The following SHANK2 variants were observed in gnomAD, a reference collection of about 807,000 sequenced individuals.
SHANK2 encodes the protein SH3 and multiple ankyrin repeat domains protein 2.
A neutral mutation model predicts 133.7 loss-of-function variants in SHANK2; 43 were observed. The ratio of observed to expected loss-of-function variants is 0.32; its 90% confidence interval spans 0.25 to 0.41. The LOEUF is 0.41. Ranked by LOEUF, SHANK2 falls within the 10% of genes least tolerant of loss-of-function variation. The pLI is 1.00. For synonymous variants in SHANK2, 1,017 were observed against 952.8 expected (o/e 1.07, Z -1.24); for missense variants, 1,994 against 2,235.8 (o/e 0.89, Z 2.18).
intron 14 of SHANK2, among the ~76,000 whole-genome samples, chr11:70,754,808 C>T (rs976228630): frequency 4.6e-5 from 7 of 152,062 alleles, no homozygotes; most frequent in African/African-American, 1.7e-4. Context: ...ATGCTGAACA[C>T]CTTCCAGACA....
chr11:71,085,593 A>AATAT (rs878883448), intron 8 of SHANK2, among the ~76,000 whole-genome samples: 33 of 81,224 alleles, frequency 4.1e-4, no homozygotes, highest in African/African-American at 1.1e-3. Context: ...TATATTATAT[A>AATAT]ATATATATAT....
At chr11:71,202,259 TCCC>T (rs1191126069) in intron 2 of SHANK2, among the ~76,000 whole-genome samples, 1 of 151,992 alleles carries the variant, frequency 6.6e-6, no homozygotes, top group Admixed American at 6.5e-5. Context: ...CCCAGCCCCA[TCCC>T]CTCCTCATTC....
intron 15 of SHANK2, among the ~76,000 whole-genome samples, chr11:70,672,709 A>G (rs1341628972): frequency 6.6e-6 from 1 of 152,210 alleles, no homozygotes; most frequent in Admixed American, 6.5e-5. Flanking sequence ...TATGTTTGAA[A>G]TTGTGATTTG....
At chr11:70,697,872 G>A (rs1555022638) in intron 15 of SHANK2, among the ~76,000 whole-genome samples, 1 of 152,178 alleles carries the variant, frequency 6.6e-6, no homozygotes, top group Non-Finnish European at 1.5e-5. Flanking sequence ...CATCCCCGGG[G>A]CCTGCACCTG....
intron 2 of SHANK2, among the ~76,000 whole-genome samples, chr11:71,176,230 T>G (rs1953441545): frequency 2.0e-5 from 3 of 152,174 alleles, no homozygotes; most frequent in Admixed American, 2.0e-4. Flanking sequence ...AAGCTGTTTC[T>G]AAGTAAATTA....
At chr11:71,183,866 G>A (rs1555114126) in intron 2 of SHANK2, among the ~76,000 whole-genome samples, 1 of 152,216 alleles carries the variant, frequency 6.6e-6, no homozygotes, top group East Asian at 1.9e-4. Flanking sequence ...GTTTATTGGG[G>A]AGAGGGAAGC....
At position 70,662,588 on chromosome 11, in the gene SHANK2, T is replaced by C. The variant is rs1183890187; in HGVS notation, c.1854-910A>G. On this transcript the variant is annotated intron_variant, in intron 15 of 25. Coordinates refer to ENST00000601538, the MANE Select transcript of SHANK2 (RefSeq NM_012309.5). ...AGCCCCTGAGGACACCAGCCCCCTC[T>C]GGGGATGATGAATTCATTGCTGGGG... 2.0e-5 allele frequency among the ~76,000 whole-genome samples: 3 copies of C among 152,276 alleles called. No individual in the cohort carries two copies. The East Asian group carries it at 5.8e-4, about 29-fold the overall frequency.
chr11:70,736,870 G>T (rs536479659), intron 14 of SHANK2, among the ~76,000 whole-genome samples: 1 of 152,238 alleles, frequency 6.6e-6, no homozygotes, highest in African/African-American at 2.4e-5. Flanking sequence ...CAAACGGTTT[G>T]TCAAGATGTG....
chr11:70,695,812 G>A (rs1343920193), intron 15 of SHANK2, among the ~76,000 whole-genome samples: 1 of 152,232 alleles, frequency 6.6e-6, no homozygotes, highest in Non-Finnish European at 1.5e-5. Flanking sequence ...AAGCAGGGCT[G>A]TTGTGACTCT....
rs139856237 is a variant in SHANK2, at chr11:70,867,583, G to A, written c.1174+28918C>T. On this transcript the variant is annotated intron_variant, in intron 11 of 25. Coordinates refer to ENST00000601538, the MANE Select transcript of SHANK2 (RefSeq NM_012309.5). ...AAAAGTCTGCCCAGGCCACCGGCTCGTGAATGTGGGGTCAGCTCAGCCATG... is the reference window on the plus strand; with the variant it reads ...AAAAGTCTGCCCAGGCCACCGGCTCATGAATGTGGGGTCAGCTCAGCCATG... 4.0e-4 allele frequency among the ~76,000 whole-genome samples: 61 copies of A among 152,336 alleles called. 1 individual carries two copies. Among genetic ancestry groups the A allele is most frequent in the African/African-American group, 1.2e-3 (50 of 41,590 alleles).
chr11:70,646,887 G>A (rs1274570018), intron 17 of SHANK2, among the ~76,000 whole-genome samples: 2 of 151,042 alleles, frequency 1.3e-5, no homozygotes, highest in African/African-American at 4.9e-5. Flanking sequence ...TTGAGACAGA[G>A]TATTGCTCTG....
At chr11:70,659,647 C>T (rs952554069) in intron 17 of SHANK2, among the ~76,000 whole-genome samples, 181 bp downstream of exon 17, 2 of 152,192 alleles carry the variant, frequency 1.3e-5, no homozygotes, top group Non-Finnish European at 2.9e-5. Flanking sequence ...CAAGACAAGC[C>T]CAACACCAGG....
At chr11:70,920,718 G>A (rs1302645242) in intron 10 of SHANK2, among the ~76,000 whole-genome samples, 2 of 152,230 alleles carry the variant, frequency 1.3e-5, no homozygotes, top group Non-Finnish European at 2.9e-5. Flanking sequence ...CACTACAGCA[G>A]AGTATTGCTG....
At position 70,485,303 on chromosome 11, in the gene SHANK2, C is replaced by G; in HGVS notation, c.4979+11G>C. On this transcript the variant is annotated intron_variant, in intron 25 of 25. Transcript: ENST00000601538. This position sits in a 1 kb window ranked among gnomAD's most constrained non-coding sequence, Gnocchi z 5.8. ...CAGAGCGGTGTGCATGTGCACCAACCGCGGACTTACCTTGGAGCGAGGCTG... is the reference window on the plus strand; with the variant it reads ...CAGAGCGGTGTGCATGTGCACCAACGGCGGACTTACCTTGGAGCGAGGCTG... 3 of 1,611,972 alleles carry G rather than the reference C, an allele frequency of 1.9e-6. No homozygotes were observed. Among genetic ancestry groups the G allele is most frequent in the Non-Finnish European group, 8.5e-7 (1 of 1,178,746 alleles).
intron 4 of SHANK2, among the ~76,000 whole-genome samples, chr11:71,114,798 C>T (rs1378299597): frequency 6.6e-6 from 1 of 152,106 alleles, no homozygotes; most frequent in Non-Finnish European, 1.5e-5. Context: ...ATGCCAGGTG[C>T]CTTCTCAGGC....
Position 70,486,053 on chromosome 11 carries a change from G to A in SHANK2, c.4240C>T (p.Pro1414Ser). The change falls in exon 25 of 26, where the codon CCC becomes TCC. Residue 1414 changes from proline (P) to serine (S), a missense_variant. Physicochemically the swap from Pro to Ser is moderately conservative, Grantham distance 74. Around this residue, in one of 5 missense-constraint regions of SHANK2, gnomAD observed 797 missense variants for 907.4 expected, o/e 0.88. Transcript: ENST00000601538. The surrounding 1 kb of genome is among the most constrained non-coding windows in gnomAD (Gnocchi z 8.0). ...TCAAAACTATTTGCAAATTCCAGGG[G>A]AGGAGGCAATGGCTCTGTAAAAATA... ...DFIFTEPLPPPLEFANSFDIP... is the reference protein window; with the variant it reads ...DFIFTEPLPPSLEFANSFDIP... 6.2e-7 allele frequency: 1 copy of A among 1,614,072 alleles called. No homozygotes were observed. The highest frequency in any genetic ancestry group is 8.5e-7 in the Non-Finnish European group (1 of 1,180,024).
chr11:70,756,732 A>G (rs1210755269), intron 14 of SHANK2, among the ~76,000 whole-genome samples: 4 of 152,076 alleles, frequency 2.6e-5, no homozygotes, highest in Non-Finnish European at 5.9e-5. Context: ...CCACACCCCT[A>G]TCATCTCAGT....
At chr11:70,776,338 C>A (rs1555043891) in intron 14 of SHANK2, among the ~76,000 whole-genome samples, 1 of 152,186 alleles carries the variant, frequency 6.6e-6, no homozygotes, top group African/African-American at 2.4e-5. Context: ...CTGAGGCCTG[C>A]AAACTGGACT....
intron 17 of SHANK2, among the ~76,000 whole-genome samples, chr11:70,580,515 C>T (rs1417585549): frequency 6.6e-6 from 1 of 152,226 alleles, no homozygotes; most frequent in Admixed American, 6.5e-5. Flanking sequence ...GCTGGGGACC[C>T]GGCCTTGTCT....
Sources: allele counts gnomAD v4.1 joint callset (sites outside exome capture counted in the v4.1 genomes callset), GRCh38; gene constraint gnomAD v4.1.1; regional missense constraint gnomAD v4.1.1; non-coding constraint Gnocchi (gnomAD v3.1); transcripts MANE v1.5; gene names NCBI Gene and HGNC (gene_info 2026-07-23, HGNC 2026-07-21).